The following NDNF variants were observed in gnomAD, a reference collection of about 807,000 sequenced individuals.
The protein encoded by NDNF is protein NDNF.
A neutral mutation model predicts 42.0 loss-of-function variants in NDNF; 16 were observed. The observed-to-expected ratio is 0.38, with a 90% confidence interval of 0.26 to 0.58. The LOEUF (loss-of-function observed/expected upper bound fraction) is 0.58, where lower values mean the gene tolerates loss of function less well. NDNF is among the 20% of genes least tolerant of loss of function. The pLI, the probability that NDNF is intolerant of heterozygous loss-of-function variation, is 0.67. For synonymous variants in NDNF, 248 were observed against 251.7 expected, an observed-to-expected ratio of 0.99 and a Z score of 0.14; for missense variants, 616 against 666.2, an observed-to-expected ratio of 0.92 and a Z score of 0.83.
Position 121,052,818 on chromosome 4 carries a change from A to G in NDNF, c.-1-6980T>C, listed in dbSNP as rs762840048. On this transcript the variant is annotated intron_variant, in intron 1 of 3. Coordinates refer to ENST00000379692, the MANE Select transcript of NDNF (RefSeq NM_024574.4). ...TTTTGTTTTCTTTTGCAAACAATGAAAATGTCTGAAGTTAGTTGTTCTTAA... is the reference window on the plus strand; with the variant it reads ...TTTTGTTTTCTTTTGCAAACAATGAGAATGTCTGAAGTTAGTTGTTCTTAA... Among the ~76,000 whole-genome samples, 19 of 152,234 alleles carry G rather than the reference A, an allele frequency of 1.2e-4. 1 individual carries two copies. Among genetic ancestry groups the G allele is most frequent in the Non-Finnish European group, 2.8e-4 (19 of 68,036 alleles).
intron 2 of NDNF, among the ~76,000 whole-genome samples, chr4:121,045,019 G>T (rs1260318353): frequency 6.6e-6 from 1 of 152,188 alleles, no homozygotes; most frequent in Non-Finnish European, 1.5e-5. Flanking sequence ...CATGAAAATT[G>T]ATTTCACTTT....
chr4:121,039,231 T>TAC (rs1172488570), intron 3 of NDNF, among the ~76,000 whole-genome samples: 14 of 129,118 alleles, frequency 1.1e-4, no homozygotes, highest in Non-Finnish European at 1.9e-4. Flanking sequence ...TATATATATA[T>TAC]ATATAAAGAC....
intron 1 of NDNF, among the ~76,000 whole-genome samples, chr4:121,064,195 T>C (rs549899563): frequency 1.3e-5 from 2 of 152,292 alleles, no homozygotes; most frequent in South Asian, 4.1e-4. Context: ...TTTATGTGAG[T>C]TTAGGTAAGT....
chr4:121,049,814 A>C (rs1056960982), intron 1 of NDNF, among the ~76,000 whole-genome samples: 1 of 152,218 alleles, frequency 6.6e-6, no homozygotes, highest in Non-Finnish European at 1.5e-5. Flanking sequence ...TTTGTTTCTG[A>C]AACAGTTTTA....
intron 2 of NDNF, among the ~76,000 whole-genome samples, chr4:121,041,475 T>A (rs1726996242): frequency 6.6e-6 from 1 of 152,140 alleles, no homozygotes; most frequent in South Asian, 2.1e-4. Flanking sequence ...ATGTTGGGAG[T>A]GAACCACAGG....
In NDNF at chr4:121,036,495, G is replaced by T. The variant is rs775226205; in HGVS notation, c.1476C>A (p.Asp492Glu). ...KKEVDDNYNE[D>E]QKKREQNQCL... is the part of the protein sequence containing the mutation. ...ATTGGTTTTGCTCTCTTTTCTTCTG[G>T]TCTTCATTGTAGTTATCATCCACTT... is the stretch of plus-strand genomic sequence containing the variant. The change falls in exon 4 of 4, where the codon GAC becomes GAA. Residue 492 changes from aspartate to glutamate, a missense_variant. Transcript: ENST00000379692. The T allele has an allele frequency of 6.2e-7, 1 of 1,613,924 alleles. No individual in the cohort carries two copies. Among genetic ancestry groups the T allele is most frequent in the African/African-American group, 1.3e-5 (1 of 74,890 alleles).
At position 121,037,603 on chromosome 4, in the gene NDNF, G is replaced by A. The variant is rs1426217659; in HGVS notation, c.368C>T (p.Thr123Ile). The change falls in exon 4 of 4, where the codon ACT becomes ATT. Residue 123 changes from threonine (T) to isoleucine (I), a missense_variant. Physicochemically the swap from Thr to Ile is moderately conservative, Grantham distance 89. Transcript: ENST00000379692. ...QKQQIINEEG[T>I]ELFSYKGNDV... ...ATTGCCTTTGTAGGAGAATAACTCA[G>A]TGCCTTCCTCATTAATGATCTGCTG... is the stretch of plus-strand genomic sequence containing the variant. 1 of 1,607,228 alleles carries A rather than the reference G, an allele frequency of 6.2e-7. No individual in the cohort carries two copies. The highest frequency in any genetic ancestry group is 8.5e-7 in the Non-Finnish European group (1 of 1,178,722).
At chr4:121,069,393 T>C (rs1181102765) in intron 1 of NDNF, among the ~76,000 whole-genome samples, 2 of 152,234 alleles carry the variant, frequency 1.3e-5, no homozygotes, top group Non-Finnish European at 2.9e-5. Flanking sequence ...TCCTAAGAGA[T>C]AAAAGCTGTA....
chr4:121,046,517 A>G (rs908180234), intron 1 of NDNF, among the ~76,000 whole-genome samples: 1 of 152,226 alleles, frequency 6.6e-6, no homozygotes, highest in East Asian at 1.9e-4. Context: ...ATTTGTCCAG[A>G]ATCACAAGAT....
At chr4:121,054,505 C>T (rs553957013) in intron 1 of NDNF, among the ~76,000 whole-genome samples, 1 of 152,294 alleles carries the variant, frequency 6.6e-6, no homozygotes, top group East Asian at 1.9e-4. Context: ...AAATAGGCTT[C>T]TGTGAAAGAC....
intron 1 of NDNF, among the ~76,000 whole-genome samples, chr4:121,058,910 G>C (rs571159191): frequency 6.6e-6 from 1 of 151,548 alleles, no homozygotes; most frequent in Non-Finnish European, 1.5e-5. Flanking sequence ...TCCCATTACC[G>C]AGAGGATGAA....
Position 121,036,221 on chromosome 4 carries a change from T to A in NDNF, c.*43A>T. Reference sequence around the variant, plus strand: ...AGTTTATACTTAAAGTGATTTAATGTCCCTCCTGGAGTTCTACATAATATA... The same window carrying A: ...AGTTTATACTTAAAGTGATTTAATGACCCTCCTGGAGTTCTACATAATATA... On this transcript the variant is annotated 3_prime_UTR_variant, in exon 4 of 4. Transcript: ENST00000379692. 1.4e-6 allele frequency: 2 copies of A among 1,470,190 alleles called. No homozygotes were observed. Among genetic ancestry groups the A allele is most frequent in the Non-Finnish European group, 1.8e-6 (2 of 1,087,456 alleles). The allele number at this position is 1,470,190 out of a possible 1,614,324, so 91.1% of individuals were successfully genotyped here.
At chr4:121,051,078 AAT>A (rs1727185916) in intron 1 of NDNF, among the ~76,000 whole-genome samples, 1 of 152,146 alleles carries the variant, frequency 6.6e-6, no homozygotes, top group Non-Finnish European at 1.5e-5. Flanking sequence ...AGTTAAGGCA[AAT>A]AAGTAGTAGT....
chr4:121,066,027 T>C (rs1727493850), intron 1 of NDNF, among the ~76,000 whole-genome samples: 1 of 152,182 alleles, frequency 6.6e-6, no homozygotes, highest in Non-Finnish European at 1.5e-5. Flanking sequence ...TTTGGTACCC[T>C]GAGAGGCCCT....
intron 3 of NDNF, among the ~76,000 whole-genome samples, chr4:121,039,208 A>ATATATATATATATAAAGACTATG (rs1726949447): frequency 1.1e-5 from 1 of 93,796 alleles, no homozygotes; most frequent in African/African-American, 4.2e-5. Context: ...ATATATATAT[A>ATATATATATATATAAAGACTATG]TATATATATA....
At position 121,045,831 on chromosome 4, in the gene NDNF, G is replaced by C; in HGVS notation, c.7C>G (p.Leu3Val). 3.1e-6 allele frequency: 5 copies of C among 1,613,704 alleles called. No individual in the cohort carries two copies. The highest frequency in any genetic ancestry group is 3.4e-6 in the Non-Finnish European group (4 of 1,179,816). Residue 3 changes from leucine to valine, a missense_variant, in exon 2 of 4, where the codon CTG (leucine) becomes GTG (valine). Physicochemically the swap from Leu to Val is conservative, Grantham distance 32. Coordinates refer to ENST00000379692, the MANE Select transcript of NDNF (RefSeq NM_024574.4). MV[L>V]LHWCLLWLLF... Reference sequence around the variant, plus strand: ...AGCCACAGCAGGCACCAGTGGAGCAGCACCATCCTGAGGCAACAGAAATGA... The same window carrying C: ...AGCCACAGCAGGCACCAGTGGAGCACCACCATCCTGAGGCAACAGAAATGA...
At chr4:121,064,776 A>G (rs1727471669) in intron 1 of NDNF, among the ~76,000 whole-genome samples, 1 of 152,196 alleles carries the variant, frequency 6.6e-6, no homozygotes, top group African/African-American at 2.4e-5. Flanking sequence ...ACACACATAC[A>G]TACTTATAAT....
intron 2 of NDNF, among the ~76,000 whole-genome samples, chr4:121,043,598 G>A (rs566658622): frequency 6.6e-6 from 1 of 152,194 alleles, no homozygotes; most frequent in East Asian, 1.9e-4. Flanking sequence ...AAAACATGGC[G>A]CTTTACTTTA....
chr4:121,062,858 T>C (rs1727437173), intron 1 of NDNF, among the ~76,000 whole-genome samples: 1 of 152,194 alleles, frequency 6.6e-6, no homozygotes, highest in Non-Finnish European at 1.5e-5. Context: ...GTGGTTGTCA[T>C]TGCTTTGTAC....
Sources: gnomAD v4.1 joint callset for allele counts (sites outside exome capture counted in the v4.1 genomes callset) on GRCh38, gnomAD v4.1.1 for gene constraint, MANE v1.5 for transcripts, NCBI Gene and HGNC (gene_info 2026-07-23, HGNC 2026-07-21) for gene names.